GABBR2: variants seen among roughly 807,000 people sequenced by gnomAD.
GABBR2 encodes the protein gamma-aminobutyric acid type B receptor subunit 2.
In GABBR2, 23 loss-of-function variants were observed where a neutral mutation model predicts 105.6. The ratio of observed to expected loss-of-function variants is 0.22; its 90% CI spans 0.16 to 0.31. The LOEUF (loss-of-function observed/expected upper bound fraction) is 0.31, where lower values mean the gene tolerates loss of function less well. Ranked by LOEUF, GABBR2 falls within the 10% of genes least tolerant of loss-of-function variation. The pLI is 1.00. For missense variants in GABBR2, 734 were observed against 1,245.5 expected (o/e 0.59, Z 6.18); for synonymous variants, 478 against 499.7 (o/e 0.96, Z 0.58).
In GABBR2 at chr9:98,547,343, ATATT is replaced by A. The variant is rs374328352; in HGVS notation, c.460-5304_460-5301del. Among the ~76,000 whole-genome samples the A allele has an allele frequency of 3.9e-3, 460 of 117,158 alleles. 148 individuals are homozygous for A. Among genetic ancestry groups the A allele is most frequent in the East Asian group, 0.039 (110 of 2,832 alleles). 76.9% of individuals were successfully genotyped at this position (117,158 alleles called of 152,430 possible). On this transcript the variant is annotated intron_variant, in intron 2 of 18. Coordinates refer to ENST00000259455, the MANE Select transcript of GABBR2 (RefSeq NM_005458.8). ...TTTATATTTTTATAATATATTTAAC[ATATT>A]TATTACATATACATTTATAATATTG...
chr9:98,690,723 T>C (rs1830672384), intron 1 of GABBR2, among the ~76,000 whole-genome samples: 1 of 152,142 alleles, frequency 6.6e-6, no homozygotes, highest in South Asian at 2.1e-4. Flanking sequence ...ACTTAGCCCA[T>C]CAGGGAATAA....
At chr9:98,591,359 G>T (rs1474243445) in intron 1 of GABBR2, among the ~76,000 whole-genome samples, 1 of 152,204 alleles carries the variant, frequency 6.6e-6, no homozygotes, top group Non-Finnish European at 1.5e-5. Context: ...GTTCGGACTG[G>T]CTTGAGCCAG....
chr9:98,403,320 T>C (rs541354419), intron 8 of GABBR2, among the ~76,000 whole-genome samples: 2 of 133,760 alleles, frequency 1.5e-5, no homozygotes, highest in East Asian at 4.4e-4. Flanking sequence ...AAAAAAATCA[T>C]GTAAACAGGA....
chr9:98,321,200 G>A lies in GABBR2; in HGVS notation c.1894-9995C>T, dbSNP rs1188940318. ...CAATACCCAGGAGGTCCCAGCTGAC[G>A]TGGGACAAGAAACTATTCACATGGT... On this transcript the variant is annotated intron_variant, in intron 13 of 18. Transcript: ENST00000259455. Among the ~76,000 whole-genome samples the A allele has an allele frequency of 4.6e-5, 7 of 152,018 alleles. No individual in the cohort carries two copies. In the South Asian group the frequency reaches 6.2e-4, roughly 14 times the overall value.
chr9:98,318,785 T>A (rs1019507392), intron 13 of GABBR2, among the ~76,000 whole-genome samples: 13 of 152,188 alleles, frequency 8.5e-5, no homozygotes, highest in Non-Finnish European at 1.9e-4. Context: ...GGGCCATACC[T>A]GCCTCTTTTC....
intron 4 of GABBR2, among the ~76,000 whole-genome samples, chr9:98,490,478 G>T (rs991439460): frequency 2.0e-5 from 3 of 152,126 alleles, no homozygotes; most frequent in Admixed American, 1.3e-4. Context: ...TTTGATTTCT[G>T]TGGCTTTCAA....
intron 3 of GABBR2, among the ~76,000 whole-genome samples, chr9:98,537,502 G>A (rs1316475155): frequency 1.3e-5 from 2 of 151,754 alleles, no homozygotes; most frequent in Non-Finnish European, 2.9e-5. Flanking sequence ...AAGTTAAAAT[G>A]TGCAGTAGGG....
intron 4 of GABBR2, 71 bp downstream of exon 4, chr9:98,496,342 T>C (rs1827278608): frequency 8.5e-6 from 8 of 943,916 alleles, no homozygotes; most frequent in Admixed American, 3.4e-5. Context: ...GGCTCTTTCA[T>C]AGTCAGGTAA....
intron 3 of GABBR2, among the ~76,000 whole-genome samples, chr9:98,515,196 G>A (rs931768081): frequency 6.6e-6 from 1 of 152,182 alleles, no homozygotes; most frequent in Non-Finnish European, 1.5e-5. Context: ...CGAGACTGCT[G>A]CATCTCCAAG....
intron 1 of GABBR2, among the ~76,000 whole-genome samples, chr9:98,584,433 TCTC>T (rs1200914956): frequency 6.6e-6 from 1 of 152,100 alleles, no homozygotes; most frequent in Non-Finnish European, 1.5e-5. Flanking sequence ...CCACCTCACA[TCTC>T]CTGTCTGCTG....
At chr9:98,566,388 A>G (rs1564116407) in intron 2 of GABBR2, among the ~76,000 whole-genome samples, 1 of 152,146 alleles carries the variant, frequency 6.6e-6, no homozygotes, top group Non-Finnish European at 1.5e-5. Flanking sequence ...TAAGAATAAT[A>G]TTGATGGCTG....
intron 3 of GABBR2, among the ~76,000 whole-genome samples, chr9:98,501,250 C>T (rs577318737): frequency 5.3e-5 from 8 of 151,686 alleles, no homozygotes; most frequent in South Asian, 2.1e-4. Context: ...CTGCAATCTC[C>T]GCCTCTCAGC....
At chr9:98,321,459 C>A (rs986809199) in intron 13 of GABBR2, among the ~76,000 whole-genome samples, 6 of 152,226 alleles carry the variant, frequency 3.9e-5, no homozygotes, top group Non-Finnish European at 7.3e-5. Flanking sequence ...TGGCAGAAGT[C>A]ATCAGGGTGG....
rs1395183088 is a variant in GABBR2, at chr9:98,473,246, G to A, written c.899C>T (p.Ser300Phe). The A allele has an allele frequency of 6.2e-7, 1 of 1,613,636 alleles. No individual in the cohort carries two copies. Among genetic ancestry groups the A allele is most frequent in the African/African-American group, 1.3e-5 (1 of 74,956 alleles). ...WEQVHTEANS[S>F]RCLRKNLLAA... Reference sequence around the variant, plus strand: ...AAGCAGATTCTTCCGGAGGCAGCGGGATGAGTTGGCTTCCGTGTGCACCTG... The same window carrying A: ...AAGCAGATTCTTCCGGAGGCAGCGGAATGAGTTGGCTTCCGTGTGCACCTG... The change falls in exon 6 of 19, where the codon TCC becomes TTC. Residue 300 changes from serine to phenylalanine, a missense_variant. By Grantham distance (155) the Ser-to-Phe change is radical. This residue lies in a region of GABBR2 where 370 missense variants were observed against 648.9 expected (regional missense o/e 0.57). Coordinates refer to ENST00000259455, the MANE Select transcript of GABBR2 (RefSeq NM_005458.8).
At chr9:98,453,515 TC>T in intron 7 of GABBR2, among the ~76,000 whole-genome samples, 1 of 152,358 alleles carries the variant, frequency 6.6e-6, no homozygotes. Flanking sequence ...ACATAGTTCA[TC>T]CTAAATTCAC....
chr9:98,573,283 T>A (rs1323788865), intron 2 of GABBR2, among the ~76,000 whole-genome samples: 1 of 152,114 alleles, frequency 6.6e-6, no homozygotes, highest in East Asian at 1.9e-4. Context: ...TTCACAACAC[T>A]TATTATTTTT....
At chr9:98,478,283 T>C (rs966175925) in intron 5 of GABBR2, among the ~76,000 whole-genome samples, 1 of 152,130 alleles carries the variant, frequency 6.6e-6, no homozygotes, top group Non-Finnish European at 1.5e-5. Context: ...AAGGCTCTCT[T>C]GGGGGCCTCT....
chr9:98,628,359 G>T (rs1829773431), intron 1 of GABBR2, among the ~76,000 whole-genome samples: 1 of 152,092 alleles, frequency 6.6e-6, no homozygotes, highest in Admixed American at 6.5e-5. Flanking sequence ...GTTTTAAAAG[G>T]CAGGGTAGCT....
chr9:98,388,619 C>CTGTGTGTGTGTGTGTG lies in GABBR2; in HGVS notation c.1529+219_1529+234dup, dbSNP rs113747643. Among the ~76,000 whole-genome samples, 57 of 144,564 alleles carry CTGTGTGTGTGTGTGTG rather than the reference C, an allele frequency of 3.9e-4. No individual in the cohort carries two copies. Among genetic ancestry groups the CTGTGTGTGTGTGTGTG allele is most frequent in the African/African-American group, 1.4e-3 (54 of 39,228 alleles). The allele number at this position is 144,564 out of a possible 152,430, so 94.8% of individuals were successfully genotyped here. ...TCCTGTGCAACCAGCAGCCTGGCCT[C>CTGTGTGTGTGTGTGTG]TGTGTGTGTGTGTGTGTGTGTGTGT... On this transcript the variant is annotated intron_variant, in intron 10 of 18. Transcript: ENST00000259455. This position sits in a 1 kb window ranked among gnomAD's most constrained non-coding sequence, Gnocchi z 4.4.
Sources: allele counts gnomAD v4.1 joint callset (sites outside exome capture counted in the v4.1 genomes callset), GRCh38; gene constraint gnomAD v4.1.1; regional missense constraint gnomAD v4.1.1; non-coding constraint Gnocchi (gnomAD v3.1); transcripts MANE v1.5; gene names NCBI Gene and HGNC (gene_info 2026-07-23, HGNC 2026-07-21).